The following SLC6A20 variants were observed in gnomAD, a reference collection of about 807,000 sequenced individuals.
SLC6A20 encodes the protein solute carrier family 6 member 20, also known as sodium- and chloride-dependent transporter XTRP3.
Under a neutral mutation model 64.3 loss-of-function variants are expected in SLC6A20, and 73 were observed. The ratio of observed to expected loss-of-function variants is 1.14; its 90% CI spans 0.94 to 1.38. SLC6A20 has a LOEUF of 1.38. Ranked by LOEUF, SLC6A20 falls within the 40% of genes most tolerant of loss-of-function variation. The pLI, the probability that SLC6A20 is intolerant of heterozygous loss-of-function variation, is 0.00. For synonymous variants in SLC6A20, 347 were observed against 329.6 expected (o/e 1.05, Z -0.57); for missense variants, 725 against 772.8 (o/e 0.94, Z 0.73).
At chr3:45,787,848 T>G (rs1700195046) in intron 1 of SLC6A20, among the ~76,000 whole-genome samples, 1 of 152,212 alleles carries the variant, frequency 6.6e-6, no homozygotes, top group Admixed American at 6.5e-5. Flanking sequence ...AAATGTTTGT[T>G]GAGTAACTGG....
chr3:45,766,790 A>G (rs1699784234), intron 7 of SLC6A20, among the ~76,000 whole-genome samples: 1 of 152,230 alleles, frequency 6.6e-6, no homozygotes, highest in Admixed American at 6.5e-5. Flanking sequence ...ATCAGAAACC[A>G]AACCCTGCTG....
intron 1 of SLC6A20, among the ~76,000 whole-genome samples, chr3:45,794,249 T>C (rs892263677): frequency 6.6e-6 from 1 of 152,084 alleles, no homozygotes; most frequent in Non-Finnish European, 1.5e-5. Flanking sequence ...ATGGAAGTGT[T>C]TGGAAGGCAG....
chr3:45,795,391 A>G (rs999118333), intron 1 of SLC6A20, among the ~76,000 whole-genome samples: 14 of 152,296 alleles, frequency 9.2e-5, no homozygotes, highest in Non-Finnish European at 1.6e-4. Flanking sequence ...TGGATGCTCT[A>G]TAATTTACTG....
In SLC6A20 at chr3:45,757,315, G is replaced by C. The variant is rs191679721; in HGVS notation, c.*1663C>G. 6.6e-6 allele frequency: 1 copy of C among 151,900 alleles called. No individual in the cohort carries two copies. Among genetic ancestry groups the C allele is most frequent in the South Asian group, 2.1e-4 (1 of 4,796 alleles). 9.4% of individuals were successfully genotyped at this position (151,900 alleles called of 1,614,324 possible). On this transcript the variant is annotated 3_prime_UTR_variant, in exon 11 of 11. Transcript: ENST00000358525. ...TCAGCACCGACCCTTTACAGGTGTCGGGCTGGGGGACAGTCAGGTCTTTCC... is the reference window on the plus strand; with the variant it reads ...TCAGCACCGACCCTTTACAGGTGTCCGGCTGGGGGACAGTCAGGTCTTTCC...
intron 1 of SLC6A20, among the ~76,000 whole-genome samples, chr3:45,786,442 C>T (rs915140975): frequency 6.6e-6 from 1 of 152,176 alleles, no homozygotes; most frequent in Non-Finnish European, 1.5e-5. Flanking sequence ...GAGCACTGGC[C>T]AGTTACTTTG....
rs998399399 is a variant in SLC6A20, at chr3:45,765,140, G to A, written c.1303+397C>T. 6.6e-6 allele frequency among the ~76,000 whole-genome samples: 1 copy of A among 152,150 alleles called. No homozygotes were observed. The highest frequency in any genetic ancestry group is 2.4e-5 in the African/African-American group (1 of 41,422). On this transcript the variant is annotated intron_variant, in intron 8 of 10. Coordinates refer to ENST00000358525, the MANE Select transcript of SLC6A20 (RefSeq NM_020208.4). The surrounding 1 kb of genome is among the most constrained non-coding windows in gnomAD (Gnocchi z 4.2). ...AGGCAGGAGAATCACTTGAACCTGGGAGATGGAGGTTGCAGTGAGCCAAGA... is the reference window on the plus strand; with the variant it reads ...AGGCAGGAGAATCACTTGAACCTGGAAGATGGAGGTTGCAGTGAGCCAAGA...
Position 45,759,924 on chromosome 3 carries a change from A to G in SLC6A20, c.1562T>C (p.Phe521Ser), listed in dbSNP as rs142467865. Residue 521 changes from phenylalanine to serine, a missense_variant, in exon 10 of 11, where the codon TTT (phenylalanine) becomes TCT (serine). Coordinates refer to ENST00000358525, the MANE Select transcript of SLC6A20 (RefSeq NM_020208.4). ...GATGTAGTCGCTCAGGTAGAAGACA[A>G]AGAGGCTGACAATCAGCAGTGGGCT... ...GVSPLLIVSLFVFYLSDYILT... is the reference protein window; with the variant it reads ...GVSPLLIVSLSVFYLSDYILT... 1 of 1,614,162 alleles carries G rather than the reference A, an allele frequency of 6.2e-7. No individual in the cohort carries two copies. The highest frequency in any genetic ancestry group is 1.3e-5 in the African/African-American group (1 of 75,046).
At chr3:45,777,178 A>T (rs62245064) in intron 3 of SLC6A20, among the ~76,000 whole-genome samples, 1 of 152,302 alleles carries the variant, frequency 6.6e-6, no homozygotes, top group South Asian at 2.1e-4. Flanking sequence ...GCTCAATCCC[A>T]TATTTCACAG....
intron 3 of SLC6A20, among the ~76,000 whole-genome samples, chr3:45,779,752 T>C (rs13067466): frequency 6.6e-6 from 1 of 152,180 alleles, no homozygotes; most frequent in Non-Finnish European, 1.5e-5. Flanking sequence ...CTGAAAGCCA[T>C]GGACCTTCTC....
At chr3:45,781,216 G>A (rs1251575019) in intron 2 of SLC6A20, among the ~76,000 whole-genome samples, 7 of 132,788 alleles carry the variant, frequency 5.3e-5, no homozygotes, top group Non-Finnish European at 9.5e-5. Flanking sequence ...GCGAAACTCC[G>A]CCTCAAAAAA....
chr3:45,781,882 G>A (rs534874542), intron 2 of SLC6A20, among the ~76,000 whole-genome samples: 2 of 152,188 alleles, frequency 1.3e-5, no homozygotes, highest in African/African-American at 2.4e-5. Context: ...CTGTCTTACC[G>A]CCCTGTGGGT....
intron 3 of SLC6A20, 38 bp downstream of exon 3, chr3:45,779,971 G>A (rs372652023): frequency 1.1e-4 from 179 of 1,559,856 alleles, no homozygotes; most frequent in East Asian, 1.9e-4. Flanking sequence ...TCCCTTTCTC[G>A]CTCCTACTCC....
chr3:45,777,913 A>G (rs369596388), intron 3 of SLC6A20, among the ~76,000 whole-genome samples: 4 of 152,094 alleles, frequency 2.6e-5, no homozygotes, highest in South Asian at 2.1e-4. Flanking sequence ...CTCTGATTTC[A>G]TCTGTTTGGG....
rs532687890 is a variant in SLC6A20 at position 45,761,223 on chromosome 3, AC to A, written c.1464-1202del. Reference sequence around the variant, plus strand: ...CCTCTTGTCCCTTCACACCCCCATAACCCCCCCCCCTTTCCTGGATGGAGAA... The same window carrying A: ...CCTCTTGTCCCTTCACACCCCCATAACCCCCCCCCTTTCCTGGATGGAGAA... On this transcript the variant is annotated intron_variant, in intron 9 of 10. Transcript: ENST00000358525. Among the ~76,000 whole-genome samples the A allele has an allele frequency of 2.5e-3, 351 of 138,364 alleles. 1 individual carries two copies. Among genetic ancestry groups the A allele is most frequent in the Admixed American group, 3.9e-3 (55 of 13,984 alleles). 90.8% of individuals were successfully genotyped at this position (138,364 alleles called of 152,430 possible).
At chr3:45,784,185 G>A (rs1163690250) in intron 1 of SLC6A20, among the ~76,000 whole-genome samples, 1 of 152,164 alleles carries the variant, frequency 6.6e-6, no homozygotes, top group Non-Finnish European at 1.5e-5. Context: ...TTGGCCCTAG[G>A]CATTAATCAT....
At chr3:45,794,643 T>C (rs1179994716) in intron 1 of SLC6A20, among the ~76,000 whole-genome samples, 1 of 152,180 alleles carries the variant, frequency 6.6e-6, no homozygotes, top group Non-Finnish European at 1.5e-5. Flanking sequence ...TGCATCCCTC[T>C]GCAGACTATT....
chr3:45,765,551 T>C lies in SLC6A20; in HGVS notation c.1289A>G (p.Lys430Arg), dbSNP rs1184457825. The change falls in exon 8 of 11, where the codon AAG (lysine) becomes AGG (arginine). Residue 430 changes from lysine to arginine, a missense_variant. Coordinates refer to ENST00000358525, the MANE Select transcript of SLC6A20 (RefSeq NM_020208.4). The surrounding 1 kb of genome is among the most constrained non-coding windows in gnomAD (Gnocchi z 4.2). ...GCCCCGCTGACCTGAGATGGCCTCC[T>C]TGGGCAGGTGGCTGGAGATGATCTT... ...DSKIISSHLP[K>R]EAISGLVCLV... The C allele has an allele frequency of 1.9e-6, 3 of 1,613,340 alleles. No individual in the cohort carries two copies. Among genetic ancestry groups the C allele is most frequent in the Non-Finnish European group, 2.5e-6 (3 of 1,179,714 alleles).
rs965563677 is a variant in SLC6A20 at position 45,757,168 on chromosome 3, T to C, written c.*1810A>G. On this transcript the variant is annotated 3_prime_UTR_variant, in exon 11 of 11. Coordinates refer to ENST00000358525, the MANE Select transcript of SLC6A20 (RefSeq NM_020208.4). Reference sequence around the variant, plus strand: ...AGGGCGGTTTTCTCCTATCTCAGAATAGAACGAATGGGAATGGTCAGCTTT... The same window carrying C: ...AGGGCGGTTTTCTCCTATCTCAGAACAGAACGAATGGGAATGGTCAGCTTT... 2.3e-5 allele frequency: 3 copies of C among 130,674 alleles called. No homozygotes were observed. The highest frequency in any genetic ancestry group is 9.0e-5 in the African/African-American group (3 of 33,452). 8.1% of individuals were successfully genotyped at this position (130,674 alleles called of 1,614,324 possible). A position where few individuals can be genotyped will look rare whatever the true frequency, so the allele number is the denominator to read the frequency against.
In SLC6A20 at chr3:45,765,757, A is replaced by C. The variant is rs1699766924; in HGVS notation, c.1099-16T>G. 3 of 1,614,042 alleles carry C rather than the reference A, an allele frequency of 1.9e-6. No homozygotes were observed. Among genetic ancestry groups the C allele is most frequent in the Non-Finnish European group, 2.5e-6 (3 of 1,179,948 alleles). On this transcript the variant is annotated splice_polypyrimidine_tract_variant and intron_variant, in intron 7 of 10. Transcript: ENST00000358525. This position sits in a 1 kb window ranked among gnomAD's most constrained non-coding sequence, Gnocchi z 4.2. ...CCTGGACGGCCTGCCCAGGGTGAGA[A>C]GACACCAGTTACATGCAAGAGGGAC...
Sources: allele counts gnomAD v4.1 joint callset (sites outside exome capture counted in the v4.1 genomes callset), GRCh38; gene constraint gnomAD v4.1.1; non-coding constraint Gnocchi (gnomAD v3.1); transcripts MANE v1.5; gene names NCBI Gene and HGNC (gene_info 2026-07-23, HGNC 2026-07-21).